SLX4IP: variants seen among roughly 807,000 people sequenced by gnomAD.
SLX4IP encodes protein SLX4IP.
In SLX4IP, 34 loss-of-function variants were observed where a neutral mutation model predicts 32.9. The observed-to-expected ratio is 1.03, with a 90% CI of 0.79 to 1.38. SLX4IP has a LOEUF of 1.38. Among genes scored for constraint, SLX4IP ranks in the 40% most tolerant of loss-of-function variants. The probability of loss-of-function intolerance (pLI) is 0.00; values close to 1 mark genes in which losing one functional copy is unlikely to be tolerated. For synonymous variants in SLX4IP, 172 were observed against 171.7 expected, an observed-to-expected ratio of 1.00 and a Z score of -0.01; for missense variants, 444 against 479.0, an observed-to-expected ratio of 0.93 and a Z score of 0.68.
Position 10,622,964 on chromosome 20 carries a change from G to A in SLX4IP, c.812G>A (p.Ser271Asn), listed in dbSNP as rs1168438308. 1.2e-6 allele frequency: 2 copies of A among 1,614,178 alleles called. No individual in the cohort carries two copies. Among genetic ancestry groups the A allele is most frequent in the Non-Finnish European group, 1.7e-6 (2 of 1,180,032 alleles). The change falls in exon 8 of 8, where the codon AGC becomes AAC. Residue 271 changes from serine (S) to asparagine (N), a missense_variant. By Grantham distance (46) the Ser-to-Asn change is conservative (BLOSUM62 1). Coordinates refer to ENST00000334534, the MANE Select transcript of SLX4IP (RefSeq NM_001009608.3). ...ERLKTGLLSR[S>N]PVCSCESASP... ...TTAAAGACAGGGCTTCTAAGCAGGA[G>A]CCCCGTCTGTAGCTGTGAGTCAGCA...
chr20:10,444,761 T>C (rs914630794), intron 1 of SLX4IP, among the ~76,000 whole-genome samples: 1 of 152,130 alleles, frequency 6.6e-6, no homozygotes, highest in African/African-American at 2.4e-5. Flanking sequence ...TTTGAGCCTT[T>C]TTTAAAATAA....
intron 4 of SLX4IP, among the ~76,000 whole-genome samples, chr20:10,571,110 G>T (rs1214689425): frequency 6.6e-6 from 1 of 152,200 alleles, no homozygotes; most frequent in African/African-American, 2.4e-5. Context: ...TGGGATTACA[G>T]ACGTGAGCCT....
In SLX4IP at chr20:10,553,878, A is replaced by T. The variant is rs147180694; in HGVS notation, c.28-2353A>T. 9.3e-3 allele frequency among the ~76,000 whole-genome samples: 1,418 copies of T among 152,344 alleles called. 26 individuals carry two copies. The highest frequency in any genetic ancestry group is 0.032 in the African/African-American group (1,340 of 41,582). On this transcript the variant is annotated intron_variant, in intron 2 of 7. Coordinates refer to ENST00000334534, the MANE Select transcript of SLX4IP (RefSeq NM_001009608.3). The stretch of plus-strand genomic sequence containing the variant: ...GAAACCATCTTTCAACATGCTTCAC[A>T]GTTTATTACCTGGTAAACTTCATTT...
At chr20:10,530,313 T>A (rs2065978035) in intron 2 of SLX4IP, among the ~76,000 whole-genome samples, 1 of 152,206 alleles carries the variant, frequency 6.6e-6, no homozygotes, top group South Asian at 2.1e-4. Context: ...TCTTTGAGCT[T>A]TTTCTTTGTG....
intron 2 of SLX4IP, among the ~76,000 whole-genome samples, chr20:10,512,757 ATAT>A (rs1385617350): frequency 1.0e-5 from 1 of 97,780 alleles, no homozygotes; most frequent in Non-Finnish European, 2.0e-5. Context: ...TATTTTATGT[ATAT>A]ATATACACAC....
Position 10,510,843 on chromosome 20 carries a change from A to C in SLX4IP, c.28-45388A>C, listed in dbSNP as rs574057362. On this transcript the variant is annotated intron_variant, in intron 2 of 7. Coordinates refer to ENST00000334534, the MANE Select transcript of SLX4IP (RefSeq NM_001009608.3). ...ATGGTCTCGATCTCTCGACCTCATG[A>C]TCCACCTACCTTGGCCTCCCAAAGT... Among the ~76,000 whole-genome samples the C allele has an allele frequency of 2.0e-5, 3 of 152,290 alleles. No homozygotes were observed. In the East Asian group the frequency reaches 5.8e-4, roughly 29 times the overall value.
intron 2 of SLX4IP, among the ~76,000 whole-genome samples, chr20:10,479,352 C>CTTTTTTCTTTTTTTTTTTTTTTTTTTT (rs1555807614): frequency 1.4e-5 from 1 of 73,726 alleles, no homozygotes. Flanking sequence ...TTCCATATTT[C>CTTTTTTCTTTTTTTTTTTTTTTTTTTT]TTTTTTTTTT....
chr20:10,526,309 C>G (rs567002392), intron 2 of SLX4IP, among the ~76,000 whole-genome samples: 49 of 152,284 alleles, frequency 3.2e-4, no homozygotes, highest in Non-Finnish European at 5.3e-4. Flanking sequence ...TAATTTAGCT[C>G]TTGCTCAACT....
At chr20:10,514,838 A>T (rs111522996) in intron 2 of SLX4IP, among the ~76,000 whole-genome samples, 4,600 of 152,268 alleles carry the variant, frequency 0.03, 115 homozygotes, top group Admixed American at 0.099. Flanking sequence ...TTTTAGGTGG[A>T]GAAGTGTCCC....
chr20:10,469,738 T>C (rs542322574), intron 2 of SLX4IP, among the ~76,000 whole-genome samples: 1 of 152,336 alleles, frequency 6.6e-6, no homozygotes, highest in South Asian at 2.1e-4. Flanking sequence ...ATCTTCCCGC[T>C]GTGATCTAAA....
chr20:10,479,352 C>CTTTTTTCTT lies in SLX4IP; in HGVS notation c.27+21127_27+21128insCTTTTTTTT, dbSNP rs1555807614. Among the ~76,000 whole-genome samples, 11 of 73,706 alleles carry CTTTTTTCTT rather than the reference C, an allele frequency of 1.5e-4. 2 individuals carry two copies. Among genetic ancestry groups the CTTTTTTCTT allele is most frequent in the South Asian group, 6.5e-4 (1 of 1,538 alleles). 48.4% of individuals were successfully genotyped at this position (73,706 alleles called of 152,430 possible). On this transcript the variant is annotated intron_variant, in intron 2 of 7. Coordinates refer to ENST00000334534, the MANE Select transcript of SLX4IP (RefSeq NM_001009608.3). ...TTCTCATCGCTCAAATTCCATATTTCTTTTTTTTTTTTTTTTTTGAGATGG... is the reference window on the plus strand; with the variant it reads ...TTCTCATCGCTCAAATTCCATATTTCTTTTTTCTTTTTTTTTTTTTTTTTTTTGAGATGG...
chr20:10,461,414 G>T (rs2122348075), intron 2 of SLX4IP, among the ~76,000 whole-genome samples: 1 of 152,356 alleles, frequency 6.6e-6, no homozygotes, highest in East Asian at 1.9e-4. Flanking sequence ...TGAGTATCAG[G>T]CTAGCATAAT....
chr20:10,584,323 C>G (rs1431746507), intron 4 of SLX4IP, among the ~76,000 whole-genome samples: 1 of 152,122 alleles, frequency 6.6e-6, no homozygotes, highest in African/African-American at 2.4e-5. Context: ...TAGCTGTCTC[C>G]CCTTGCCTCT....
At chr20:10,467,786 T>C (rs2065392788) in intron 2 of SLX4IP, among the ~76,000 whole-genome samples, 1 of 152,232 alleles carries the variant, frequency 6.6e-6, no homozygotes, top group Non-Finnish European at 1.5e-5. Flanking sequence ...TTTAGATACC[T>C]TCTCACTCTG....
rs552445548 is a variant in SLX4IP, at chr20:10,570,037, T to A, written c.238+9217T>A. Among the ~76,000 whole-genome samples the A allele has an allele frequency of 2.0e-5, 3 of 152,310 alleles. No individual in the cohort carries two copies. In the East Asian group the frequency reaches 5.8e-4, roughly 29 times the overall value. ...GAGTCTAAGTATGTTCTCCGTCTTATTTGGAGGTATGGACATAATCAATTA... is the reference window on the plus strand; with the variant it reads ...GAGTCTAAGTATGTTCTCCGTCTTAATTGGAGGTATGGACATAATCAATTA... On this transcript the variant is annotated intron_variant, in intron 4 of 7. Transcript: ENST00000334534.
At chr20:10,599,490 G>C (rs75008424) in intron 5 of SLX4IP, among the ~76,000 whole-genome samples, 10,761 of 151,592 alleles carry the variant, frequency 0.071, 622 homozygotes, top group South Asian at 0.24. Flanking sequence ...GGAGTACAGT[G>C]GTGCAATCAT....
chr20:10,584,764 A>C (rs1477980672), intron 4 of SLX4IP, among the ~76,000 whole-genome samples: 1 of 152,152 alleles, frequency 6.6e-6, no homozygotes, highest in East Asian at 1.9e-4. Flanking sequence ...TGCTTATTTG[A>C]GCTTGATAGT....
intron 1 of SLX4IP, among the ~76,000 whole-genome samples, chr20:10,450,135 G>GA (rs2065230375): frequency 6.6e-6 from 1 of 152,172 alleles, no homozygotes; most frequent in East Asian, 1.9e-4. Context: ...TGTCCTTCAG[G>GA]AAAAAAAGTA....
At chr20:10,523,030 T>C (rs373676716) in intron 2 of SLX4IP, among the ~76,000 whole-genome samples, 1 of 152,178 alleles carries the variant, frequency 6.6e-6, no homozygotes, top group African/African-American at 2.4e-5. Flanking sequence ...CCCGGCCCAC[T>C]ATTCTTCCCT....
Sources: gnomAD v4.1 joint callset for allele counts (sites outside exome capture counted in the v4.1 genomes callset) on GRCh38, gnomAD v4.1.1 for gene constraint, MANE v1.5 for transcripts, NCBI Gene and HGNC (gene_info 2026-07-23, HGNC 2026-07-21) for gene names.